The following KCTD8 variants were observed in gnomAD, a reference collection of about 807,000 sequenced individuals.
KCTD8 encodes potassium channel tetramerization domain containing 8.
In KCTD8, 27 loss-of-function variants were observed where a neutral mutation model predicts 31.5. The ratio of observed to expected loss-of-function variants is 0.86; its 90% CI spans 0.63 to 1.18. The LOEUF is 1.18. KCTD8 is among the 50% of genes most tolerant of loss of function. KCTD8 has a pLI of 0.00. For synonymous variants in KCTD8, 290 were observed against 280.0 expected (o/e 1.04, Z -0.36); for missense variants, 658 against 647.7 (o/e 1.02, Z -0.17).
At chr4:44,175,453 GATTA>G (rs747436118) in intron 1 of KCTD8, among the ~76,000 whole-genome samples, 16 of 152,264 alleles carry the variant, frequency 1.1e-4, no homozygotes, top group Middle Eastern at 3.4e-3. Context: ...GCAGTATGCT[GATTA>G]ATTATTCAAA....
At chr4:44,264,743 A>C (rs553048688) in intron 1 of KCTD8, among the ~76,000 whole-genome samples, 1 of 152,112 alleles carries the variant, frequency 6.6e-6, no homozygotes, top group Non-Finnish European at 1.5e-5. Context: ...TATCCCGCAC[A>C]TGGCTCGGAG....
At chr4:44,419,440 C>T (rs1356455019) in intron 1 of KCTD8, among the ~76,000 whole-genome samples, 2 of 152,100 alleles carry the variant, frequency 1.3e-5, no homozygotes, top group East Asian at 3.9e-4. Flanking sequence ...ACTATAAAAG[C>T]TGACAGAGCT....
At chr4:44,212,970 T>C (rs746619816) in intron 1 of KCTD8, among the ~76,000 whole-genome samples, 3 of 152,068 alleles carry the variant, frequency 2.0e-5, no homozygotes, top group Non-Finnish European at 2.9e-5. Context: ...TGGAGTCTCG[T>C]TCTGTCGCCC....
chr4:44,385,410 A>G (rs1720185016), intron 1 of KCTD8, among the ~76,000 whole-genome samples: 1 of 151,740 alleles, frequency 6.6e-6, no homozygotes. Flanking sequence ...CTTATACGGT[A>G]AAATGATTTT....
At chr4:44,282,746 TAGA>T (rs1716935171) in intron 1 of KCTD8, among the ~76,000 whole-genome samples, 1 of 152,018 alleles carries the variant, frequency 6.6e-6, no homozygotes, top group African/African-American at 2.4e-5. Flanking sequence ...ATGATCTAGA[TAGA>T]AGATGAAACC....
chr4:44,402,770 A>G (rs1158703439), intron 1 of KCTD8, among the ~76,000 whole-genome samples: 4 of 152,206 alleles, frequency 2.6e-5, no homozygotes, highest in Non-Finnish European at 5.9e-5. Context: ...GCATTTCAGG[A>G]ATCTGGCTAA....
intron 1 of KCTD8, among the ~76,000 whole-genome samples, chr4:44,176,031 C>A (rs1713204774): frequency 6.6e-6 from 1 of 152,122 alleles, no homozygotes; most frequent in African/African-American, 2.4e-5. Context: ...CAAAAAGAGG[C>A]ATATTTTATT....
intron 1 of KCTD8, among the ~76,000 whole-genome samples, chr4:44,254,557 C>T (rs1715939366): frequency 6.6e-6 from 1 of 151,660 alleles, no homozygotes; most frequent in Admixed American, 6.6e-5. Context: ...TTCTTTTCTC[C>T]AGTTATTTTC....
chr4:44,359,000 C>T (rs550123170), intron 1 of KCTD8, among the ~76,000 whole-genome samples: 7 of 152,204 alleles, frequency 4.6e-5, no homozygotes, highest in African/African-American at 1.7e-4. Context: ...ATATCCTTCA[C>T]CCATTTTGAT....
intron 1 of KCTD8, among the ~76,000 whole-genome samples, chr4:44,385,738 A>T (rs1720196339): frequency 6.6e-6 from 1 of 151,670 alleles, no homozygotes; most frequent in African/African-American, 2.4e-5. Flanking sequence ...TCTGTGTATC[A>T]CATGATAAAA....
intron 1 of KCTD8, among the ~76,000 whole-genome samples, chr4:44,207,819 A>G (rs960265222): frequency 1.3e-5 from 2 of 152,212 alleles, no homozygotes; most frequent in African/African-American, 4.8e-5. Flanking sequence ...TGTTTTCTCT[A>G]TGGGAAGCCT....
intron 1 of KCTD8, among the ~76,000 whole-genome samples, chr4:44,274,828 T>C (rs1291428774): frequency 2.6e-5 from 4 of 151,074 alleles, no homozygotes; most frequent in South Asian, 2.1e-4. Flanking sequence ...CAAATTGCTA[T>C]AAAGCAAAAA....
chr4:44,222,995 T>C (rs971286342), intron 1 of KCTD8, among the ~76,000 whole-genome samples: 1 of 152,160 alleles, frequency 6.6e-6, no homozygotes, highest in South Asian at 2.1e-4. Context: ...TAGAAAATCA[T>C]TGAATAGTGC....
intron 1 of KCTD8, among the ~76,000 whole-genome samples, chr4:44,376,849 C>T (rs1719926440): frequency 6.6e-6 from 1 of 152,102 alleles, no homozygotes; most frequent in African/African-American, 2.4e-5. Flanking sequence ...AGAGAAGGGC[C>T]TTCCTGGCAA....
At chr4:44,261,982 A>G (rs984397706) in intron 1 of KCTD8, among the ~76,000 whole-genome samples, 26 of 152,074 alleles carry the variant, frequency 1.7e-4, no homozygotes, top group Non-Finnish European at 3.5e-4. Context: ...GCCCTGGGGC[A>G]CTTCAAATTT....
At chr4:44,333,986 A>C (rs1718653131) in intron 1 of KCTD8, among the ~76,000 whole-genome samples, 1 of 152,158 alleles carries the variant, frequency 6.6e-6, no homozygotes, top group Non-Finnish European at 1.5e-5. Flanking sequence ...CATGAGAAAA[A>C]TTGAACACCA....
At chr4:44,267,633 T>C (rs1443751329) in intron 1 of KCTD8, among the ~76,000 whole-genome samples, 1 of 151,860 alleles carries the variant, frequency 6.6e-6, no homozygotes, top group African/African-American at 2.4e-5. Context: ...ATCAACAAAA[T>C]TGATAGACCG....
chr4:44,387,508 G>T (rs1229146301), intron 1 of KCTD8, among the ~76,000 whole-genome samples: 4 of 151,948 alleles, frequency 2.6e-5, no homozygotes, highest in African/African-American at 7.2e-5. Flanking sequence ...ACATAGCACT[G>T]GTACAAGAAC....
At chr4:44,300,334 T>C (rs1717572902) in intron 1 of KCTD8, among the ~76,000 whole-genome samples, 1 of 152,012 alleles carries the variant, frequency 6.6e-6, no homozygotes, top group Non-Finnish European at 1.5e-5. Context: ...ACAATCATGC[T>C]ATCAGAAAAA....
Sources: allele counts gnomAD v4.1 joint callset (sites outside exome capture counted in the v4.1 genomes callset), GRCh38; gene constraint gnomAD v4.1.1; transcripts MANE v1.5; gene names NCBI Gene and HGNC (gene_info 2026-07-23, HGNC 2026-07-21).